Variants in NUCB2 observed in about 807,000 individuals in gnomAD.
The protein encoded by NUCB2 is nucleobindin-2.
Under a neutral mutation model 57.9 loss-of-function variants are expected in NUCB2, and 48 were observed. The observed-to-expected ratio is 0.83, with a 90% confidence interval of 0.66 to 1.05. The LOEUF (loss-of-function observed/expected upper bound fraction) is 1.05, where lower values mean the gene tolerates loss of function less well. Among genes scored for constraint, NUCB2 ranks in the 50% least tolerant of loss-of-function variants. The pLI is 0.00. For missense variants in NUCB2, 442 were observed against 476.2 expected (o/e 0.93, Z 0.67); for synonymous variants, 139 against 152.1 (o/e 0.91, Z 0.64).
In NUCB2 at chr11:17,301,517, T is replaced by G. The variant is rs1358421940; in HGVS notation, c.253-227T>G. 3.4e-5 allele frequency among the ~76,000 whole-genome samples: 5 copies of G among 147,594 alleles called. No individual in the cohort carries two copies. The East Asian group carries it at 1.0e-3, about 30-fold the overall frequency. ...CTGGTCTCGAGCTCCTGACCTCAGG[T>G]GATTACCCACCTCAGCCTCCCAAAG... On this transcript the variant is annotated intron_variant, in intron 4 of 13. Transcript: ENST00000529010.
chr11:17,345,723 A>G (rs1952680641), intron 2 of NUCB2, among the ~76,000 whole-genome samples: 1 of 152,124 alleles, frequency 6.6e-6, no homozygotes, highest in Non-Finnish European at 1.5e-5. Context: ...AAGAAAAGTA[A>G]CCTTTTATAA....
At chr11:17,277,407 A>C (rs142792303) in intron 1 of NUCB2, among the ~76,000 whole-genome samples, 1 of 152,190 alleles carries the variant, frequency 6.6e-6, no homozygotes, top group East Asian at 1.9e-4. Flanking sequence ...CTAAGTGGCA[A>C]CTCAGTGAGC....
intron 1 of NUCB2, among the ~76,000 whole-genome samples, chr11:17,282,260 T>TATATA (rs1565358945): frequency 1.6e-4 from 9 of 55,148 alleles, no homozygotes; most frequent in South Asian, 1.1e-3. Flanking sequence ...ATATATATAT[T>TATATA]TTTTTTTTTT....
intron 2 of NUCB2, among the ~76,000 whole-genome samples, chr11:17,288,083 G>C (rs981844397): frequency 6.6e-6 from 1 of 152,162 alleles, no homozygotes; most frequent in Non-Finnish European, 1.5e-5. Flanking sequence ...AAACACAAAA[G>C]GTAACAATTC....
chr11:17,332,433 A>C (rs1167199943), downstream of NUCB2: 1 of 151,434 alleles, frequency 6.6e-6, no homozygotes, highest in East Asian at 1.9e-4. Flanking sequence ...AATGTTTGGT[A>C]GGCAACTTTG....
At chr11:17,312,991 A>G (rs1948727078) in intron 10 of NUCB2, among the ~76,000 whole-genome samples, 1 of 150,920 alleles carries the variant, frequency 6.6e-6, no homozygotes, top group Non-Finnish European at 1.5e-5. Context: ...GATTACAGGC[A>G]TGAGCCGCCG....
intron 1 of NUCB2, among the ~76,000 whole-genome samples, chr11:17,281,443 C>T (rs962745280): frequency 6.6e-6 from 1 of 152,144 alleles, no homozygotes; most frequent in Non-Finnish European, 1.5e-5. Context: ...TAAGTTCTAC[C>T]ACTTTGGGTG....
chr11:17,307,504 A>T (rs1947855226), intron 5 of NUCB2, among the ~76,000 whole-genome samples: 2 of 152,082 alleles, frequency 1.3e-5, no homozygotes, highest in South Asian at 4.1e-4. Context: ...CAATTTTTTT[A>T]TTGTCCCTTT....
intron 2 of NUCB2, among the ~76,000 whole-genome samples, chr11:17,285,933 G>A (rs867731106): frequency 1.6e-5 from 2 of 126,402 alleles, no homozygotes; most frequent in African/African-American, 4.0e-5. Flanking sequence ...GCACGTGTGC[G>A]TACACACACA....
chr11:17,288,882 T>TAC (rs1167995024), intron 2 of NUCB2, among the ~76,000 whole-genome samples: 1,318 of 44,388 alleles, frequency 0.03, 50 homozygotes, highest in Non-Finnish European at 0.038. Context: ...AACATGTATA[T>TAC]ACACACACAC....
chr11:17,341,480 A>G (rs1302172076), intron 2 of NUCB2, among the ~76,000 whole-genome samples: 6 of 151,712 alleles, frequency 4.0e-5, no homozygotes, highest in African/African-American at 1.5e-4. Context: ...ATTATTTTGA[A>G]ATATGTCCCA....
At chr11:17,316,564 TG>T (rs1949278221) in intron 11 of NUCB2, among the ~76,000 whole-genome samples, 1 of 152,202 alleles carries the variant, frequency 6.6e-6, no homozygotes, top group Non-Finnish European at 1.5e-5. Flanking sequence ...ATGATTTCCC[TG>T]GGATTAACTC....
chr11:17,325,078 C>T (rs1399531962), intron 11 of NUCB2, among the ~76,000 whole-genome samples: 2 of 152,192 alleles, frequency 1.3e-5, no homozygotes, highest in East Asian at 1.9e-4. Flanking sequence ...GCTAGGATTA[C>T]AGGCTTGGGC....
chr11:17,292,808 G>A (rs1240201706), intron 2 of NUCB2, among the ~76,000 whole-genome samples: 2 of 152,176 alleles, frequency 1.3e-5, no homozygotes, highest in Admixed American at 6.5e-5. Context: ...TAAAAGTTTA[G>A]CATACTGCTT....
intron 2 of NUCB2, among the ~76,000 whole-genome samples, chr11:17,293,527 A>G (rs1945297714): frequency 1.3e-5 from 2 of 152,220 alleles, no homozygotes; most frequent in Admixed American, 1.3e-4. Flanking sequence ...AAACTGACTC[A>G]GCAATTCTAC....
chr11:17,279,257 C>T (rs1226119519), intron 1 of NUCB2, among the ~76,000 whole-genome samples: 2 of 152,166 alleles, frequency 1.3e-5, no homozygotes, highest in African/African-American at 2.4e-5. Context: ...AAACTTCAAT[C>T]ACTTTCATTA....
Position 17,310,810 on chromosome 11 carries a change from A to G in NUCB2, c.484-15A>G, listed in dbSNP as rs374241176. The G allele has an allele frequency of 9.5e-5, 149 of 1,560,518 alleles. No homozygotes were observed. The highest frequency in any genetic ancestry group is 7.3e-4 in the East Asian group (32 of 43,914). On this transcript the variant is annotated splice_polypyrimidine_tract_variant and intron_variant, in intron 6 of 13. Coordinates refer to ENST00000529010, the MANE Select transcript of NUCB2 (RefSeq NM_005013.4). ...GAATGTTTTTATTTAACTTAAATGC[A>G]TTATTGCATTTCAGGCAACAAGTGA...
chr11:17,347,299 G>A (rs1168502344), intron 2 of NUCB2, among the ~76,000 whole-genome samples: 2 of 152,180 alleles, frequency 1.3e-5, no homozygotes, highest in Admixed American at 6.5e-5. Flanking sequence ...ATCTATCTCC[G>A]TGAGCAGAGG....
intron 11 of NUCB2, among the ~76,000 whole-genome samples, chr11:17,327,294 C>G (rs1950808124): frequency 6.6e-6 from 1 of 152,162 alleles, no homozygotes; most frequent in South Asian, 2.1e-4. Context: ...ATCCTGGTCT[C>G]AAGTGATCTG....
Sources: gnomAD v4.1 joint callset for allele counts (sites outside exome capture counted in the v4.1 genomes callset) on GRCh38, gnomAD v4.1.1 for gene constraint, MANE v1.5 for transcripts, NCBI Gene and HGNC (gene_info 2026-07-23, HGNC 2026-07-21) for gene names.